The following NHSL1 variants were observed in gnomAD, a reference collection of about 807,000 sequenced individuals.
The protein encoded by NHSL1 is NHS like 1, also known as NHS-like protein 1.
A neutral mutation model predicts 95.0 loss-of-function variants in NHSL1; 48 were observed. The observed-to-expected ratio is 0.51, with a 90% CI of 0.40 to 0.64. NHSL1 has a LOEUF of 0.64. Ranked by LOEUF, NHSL1 falls within the 30% of genes least tolerant of loss-of-function variation. The pLI is 0.00. For synonymous variants in NHSL1, 783 were observed against 833.9 expected (o/e 0.94, Z 1.05); for missense variants, 1,971 against 2,077.7 (o/e 0.95, Z 1.00).
intron 1 of NHSL1, among the ~76,000 whole-genome samples, chr6:138,622,298 C>T (rs1041847406): frequency 6.6e-6 from 1 of 151,802 alleles, no homozygotes; most frequent in African/African-American, 2.4e-5. Flanking sequence ...GTCAGGAGAT[C>T]GAGACTATCC....
upstream of NHSL1, among the ~76,000 whole-genome samples, chr6:138,576,060 T>C (rs1024289295): frequency 1.3e-5 from 2 of 152,144 alleles, no homozygotes; most frequent in African/African-American, 4.8e-5. Context: ...GGCGCGATCT[T>C]GTCTCATTGC....
Position 138,685,759 on chromosome 6 carries a change from GT to G in NHSL1, c.96+6716del, listed in dbSNP as rs11419477. 4.8e-3 allele frequency among the ~76,000 whole-genome samples: 715 copies of G among 149,216 alleles called. 8 individuals carry two copies. Among genetic ancestry groups the G allele is most frequent in the African/African-American group, 0.016 (668 of 40,764 alleles). ...ATGAAGAGTTTATTTCAGACACAAA[GT>G]TTTTTTTTTAATCCCTCATCAAAAG... is the stretch of plus-strand genomic sequence containing the variant. On this transcript the variant is annotated intron_variant, in intron 1 of 3. Coordinates refer to the NHSL1 transcript ENST00000491526.
At chr6:138,480,491 G>A (rs1400725660) in intron 2 of NHSL1, among the ~76,000 whole-genome samples, 2 of 152,138 alleles carry the variant, frequency 1.3e-5, no homozygotes, top group African/African-American at 2.4e-5. Context: ...GGACCAGTTC[G>A]GTAGGCCAGT....
chr6:138,610,542 T>TAAA (rs1275593505), intron 1 of NHSL1, among the ~76,000 whole-genome samples: 8 of 106,102 alleles, frequency 7.5e-5, no homozygotes, highest in Admixed American at 2.6e-4. Flanking sequence ...AGTATAATAA[T>TAAA]AAAAAAATAT....
chr6:138,423,547 A>G lies in NHSL1; in HGVS notation c.*534T>C, dbSNP rs1437636192. ...CCTCACCTCAGCAGCACACGTGTGC[A>G]TATATCTGTGTGTTCTGTGCATTAA... is the stretch of plus-strand genomic sequence containing the variant. On this transcript the variant is annotated 3_prime_UTR_variant, in exon 8 of 8. Coordinates refer to ENST00000343505, the MANE Select transcript of NHSL1 (RefSeq NM_001144060.2). 1 of 152,228 alleles carries G rather than the reference A, an allele frequency of 6.6e-6. No individual in the cohort carries two copies. Among genetic ancestry groups the G allele is most frequent in the Non-Finnish European group, 1.5e-5 (1 of 68,060 alleles). The allele number at this position is 152,228 out of a possible 1,614,324, so 9.4% of individuals were successfully genotyped here.
At chr6:138,496,940 G>A (rs1445090196) in intron 1 of NHSL1, among the ~76,000 whole-genome samples, 1 of 152,084 alleles carries the variant, frequency 6.6e-6, no homozygotes, top group Admixed American at 6.5e-5. Context: ...TACATGTGGA[G>A]ACCCATTTGT....
At chr6:138,685,799 AT>A (rs1562413088) in intron 1 of NHSL1, among the ~76,000 whole-genome samples, 2 of 152,200 alleles carry the variant, frequency 1.3e-5, no homozygotes, top group African/African-American at 4.8e-5. Context: ...CAAAGAGATT[AT>A]TTATCAAAGT....
intron 1 of NHSL1, among the ~76,000 whole-genome samples, chr6:138,591,566 G>A (rs1466471793): frequency 1.3e-5 from 2 of 152,004 alleles, no homozygotes; most frequent in East Asian, 1.9e-4. Context: ...ACAAGTACAC[G>A]CCCCCATGCC....
chr6:138,469,146 T>C (rs1248579101), intron 3 of NHSL1, among the ~76,000 whole-genome samples: 2 of 152,124 alleles, frequency 1.3e-5, no homozygotes, highest in African/African-American at 2.4e-5. Flanking sequence ...GGAAGGGCCA[T>C]GAAGATTAAT....
intron 1 of NHSL1, among the ~76,000 whole-genome samples, chr6:138,638,866 C>A (rs1005697878): frequency 6.6e-6 from 1 of 152,220 alleles, no homozygotes; most frequent in African/African-American, 2.4e-5. Context: ...AAGAAAAGAG[C>A]TCACTATTTT....
chr6:138,458,714 T>C (rs1777790633), intron 3 of NHSL1, among the ~76,000 whole-genome samples: 1 of 151,708 alleles, frequency 6.6e-6, no homozygotes, highest in African/African-American at 2.4e-5. Flanking sequence ...TAGTCCCAGC[T>C]ACTCGGGAGG....
At chr6:138,524,206 G>C (rs530441287) in intron 1 of NHSL1, among the ~76,000 whole-genome samples, 1 of 152,278 alleles carries the variant, frequency 6.6e-6, no homozygotes, top group East Asian at 1.9e-4. Context: ...ACACAAAACA[G>C]GGGTACTGAA....
At chr6:138,494,142 T>G (rs1188167697) in intron 2 of NHSL1, among the ~76,000 whole-genome samples, 1 of 152,236 alleles carries the variant, frequency 6.6e-6, no homozygotes, top group African/African-American at 2.4e-5. Flanking sequence ...AACCTATGGA[T>G]AGCTATTCTT....
At chr6:138,600,963 A>G (rs1784362952) in intron 1 of NHSL1, among the ~76,000 whole-genome samples, 1 of 152,250 alleles carries the variant, frequency 6.6e-6, no homozygotes, top group Non-Finnish European at 1.5e-5. Context: ...AATCATGTGT[A>G]AATCATTTGA....
Position 138,525,823 on chromosome 6 carries a change from G to A in NHSL1, c.16+19800C>T, listed in dbSNP as rs139713914. 2.2e-3 allele frequency among the ~76,000 whole-genome samples: 339 copies of A among 152,084 alleles called. 3 individuals carry two copies. The highest frequency in any genetic ancestry group is 7.4e-3 in the African/African-American group (306 of 41,494). ...TTGAAAATATTTGACCTGGCCAGGC[G>A]CAGTGGCTCACACCTGTAATCCCAG... On this transcript the variant is annotated intron_variant, in intron 1 of 4. Transcript: ENST00000342260.
intron 3 of NHSL1, among the ~76,000 whole-genome samples, chr6:138,464,638 T>C (rs2128237946): frequency 6.6e-6 from 1 of 152,296 alleles, no homozygotes; most frequent in East Asian, 1.9e-4. Flanking sequence ...TCACTTGTTT[T>C]AATTGTGTGT....
intron 1 of NHSL1, among the ~76,000 whole-genome samples, chr6:138,677,404 G>A (rs533845784): frequency 6.6e-6 from 1 of 152,236 alleles, no homozygotes; most frequent in Non-Finnish European, 1.5e-5. Flanking sequence ...CTAGGAAAAG[G>A]GAAATCAAGA....
intron 1 of NHSL1, among the ~76,000 whole-genome samples, chr6:138,630,680 A>G (rs962779043): frequency 1.3e-5 from 2 of 152,194 alleles, no homozygotes; most frequent in African/African-American, 4.8e-5. Flanking sequence ...TAACGCACCC[A>G]GCCTTAAGTT....
At chr6:138,429,881 G>T in intron 6 of NHSL1, 38 bp from the exon 7 acceptor site, 1 of 1,530,932 alleles carries the variant, frequency 6.5e-7, no homozygotes, top group South Asian at 1.2e-5. Flanking sequence ...ACGCACAAGT[G>T]ACTGGAATTT....
Sources: allele counts gnomAD v4.1 joint callset (sites outside exome capture counted in the v4.1 genomes callset), GRCh38; gene constraint gnomAD v4.1.1; transcripts MANE v1.5; gene names NCBI Gene and HGNC (gene_info 2026-07-23, HGNC 2026-07-21).